PCDHA2: variants seen among roughly 807,000 people sequenced by gnomAD.
The protein encoded by PCDHA2 is protocadherin alpha 2, also known as protocadherin alpha-2.
In PCDHA2, 58 loss-of-function variants were observed where a neutral mutation model predicts 66.0. The ratio of observed to expected loss-of-function variants is 0.88; its 90% confidence interval spans 0.71 to 1.09. The LOEUF (loss-of-function observed/expected upper bound fraction) is 1.09, where lower values mean the gene tolerates loss of function less well. Ranked by LOEUF, PCDHA2 falls within the 50% of genes least tolerant of loss-of-function variation. The pLI, the probability that PCDHA2 is intolerant of heterozygous loss-of-function variation, is 0.00. For synonymous variants in PCDHA2, 634 were observed against 554.0 expected, an observed-to-expected ratio of 1.14 and a Z score of -2.03; for missense variants, 1,267 against 1,242.3, an observed-to-expected ratio of 1.02 and a Z score of -0.30.
At chr5:140,928,406 G>A (rs782285182) in intron 1 of PCDHA2, 1 of 1,614,050 alleles carries the variant, frequency 6.2e-7, no homozygotes, top group South Asian at 1.1e-5. Flanking sequence ...TCATCCAGTG[G>A]GGCCATCACT....
intron 1 of PCDHA2, among the ~76,000 whole-genome samples, chr5:140,934,702 C>T (rs538683438): frequency 1.3e-5 from 2 of 152,158 alleles, no homozygotes; most frequent in South Asian, 4.2e-4. Context: ...GATTCCTGGC[C>T]ATCTTACAAA....
At chr5:140,928,856 T>G (rs540865490) in intron 1 of PCDHA2, 1 of 1,614,218 alleles carries the variant, frequency 6.2e-7, no homozygotes, top group African/African-American at 1.3e-5. Context: ...CTGGGTGTGC[T>G]GTTGAGCAAC....
At chr5:140,927,795 G>A (rs781829757) in intron 1 of PCDHA2, 39 of 1,614,144 alleles carry the variant, frequency 2.4e-5, no homozygotes, top group Non-Finnish European at 3.2e-5. Context: ...CACTAGGTCC[G>A]CCTGAAACGC....
At chr5:140,879,141 G>T (rs1413837977) in intron 1 of PCDHA2, among the ~76,000 whole-genome samples, 1 of 152,192 alleles carries the variant, frequency 6.6e-6, no homozygotes, top group Non-Finnish European at 1.5e-5. Flanking sequence ...GATTGTGAAG[G>T]CAGGAAAGCT....
chr5:140,891,076 A>G (rs2062939819), intron 1 of PCDHA2, among the ~76,000 whole-genome samples: 1 of 152,160 alleles, frequency 6.6e-6, no homozygotes, highest in African/African-American at 2.4e-5. Flanking sequence ...TCCAGTGTCT[A>G]CTGGTTTCCA....
At chr5:140,975,475 A>G (rs546732390) in intron 1 of PCDHA2, among the ~76,000 whole-genome samples, 5 of 152,368 alleles carry the variant, frequency 3.3e-5, no homozygotes, top group African/African-American at 1.2e-4. Flanking sequence ...TCTGCCTATC[A>G]GTTTATATCA....
chr5:140,803,773 C>T, intron 1 of PCDHA2: 5 of 1,030,338 alleles, frequency 4.9e-6, no homozygotes, highest in Non-Finnish European at 5.5e-6. Context: ...TGAACCAAAT[C>T]AGCAGTAAGT....
intron 1 of PCDHA2, chr5:140,871,246 C>A: frequency 6.2e-7 from 1 of 1,613,982 alleles, no homozygotes; most frequent in Non-Finnish European, 8.5e-7. Flanking sequence ...ACTCACGCTG[C>A]TGCTGTATAC....
chr5:140,820,316 T>C (rs1554127824), intron 1 of PCDHA2, among the ~76,000 whole-genome samples: 1 of 152,012 alleles, frequency 6.6e-6, no homozygotes, highest in African/African-American at 2.4e-5. Flanking sequence ...ATATCTTGTT[T>C]CTTTACAAGT....
intron 3 of PCDHA2, among the ~76,000 whole-genome samples, chr5:141,008,665 T>A (rs2098385671): frequency 6.6e-6 from 1 of 152,210 alleles, no homozygotes; most frequent in Non-Finnish European, 1.5e-5. Context: ...CACAATACTT[T>A]ACATATACTT....
rs181372488 is a variant in PCDHA2, at chr5:140,858,049, G to A, written c.2388+60697G>A. 14,822 of 1,597,442 alleles carry A rather than the reference G, an allele frequency of 9.3e-3. 1,340 individuals carry two copies. Among genetic ancestry groups the A allele is most frequent in the Non-Finnish European group, 0.012 (13,697 of 1,167,420 alleles). On this transcript the variant is annotated intron_variant, in intron 1 of 3. Transcript: ENST00000526136. Reference sequence around the variant, plus strand: ...CGGCCACGGCCACTGTGCTTGTGTCGCTTGTGGAGGGCAGCCAGGCACCCA... The same window carrying A: ...CGGCCACGGCCACTGTGCTTGTGTCACTTGTGGAGGGCAGCCAGGCACCCA...
At chr5:140,942,668 A>G (rs1047486718) in intron 1 of PCDHA2, among the ~76,000 whole-genome samples, 7 of 152,336 alleles carry the variant, frequency 4.6e-5, no homozygotes, top group Admixed American at 2.0e-4. Flanking sequence ...CAATAAGCAC[A>G]AAAGTTTTAG....
chr5:140,822,315 T>TGTTAAAAC (rs1562263935), intron 1 of PCDHA2: 1 of 1,614,082 alleles, frequency 6.2e-7, no homozygotes, highest in Admixed American at 1.7e-5. Context: ...TTGACTTAGA[T>TGTTAAAAC]GTTAAAACAA....
chr5:140,803,623 G>A (rs1763251132), intron 1 of PCDHA2: 3 of 1,613,908 alleles, frequency 1.9e-6, no homozygotes, highest in South Asian at 1.1e-5. Context: ...TTTCCAAAAT[G>A]TCTTTGTTTT....
intron 1 of PCDHA2, chr5:140,830,429 C>T (rs2150186384): frequency 6.2e-7 from 1 of 1,613,784 alleles, no homozygotes; most frequent in African/African-American, 1.3e-5. Flanking sequence ...TTCACCTTGT[C>T]CTATTATGAT....
At chr5:140,838,126 GTGTGTT>G (rs1562369435) in intron 1 of PCDHA2, among the ~76,000 whole-genome samples, 1 of 138,748 alleles carries the variant, frequency 7.2e-6, no homozygotes, top group Admixed American at 7.2e-5. Context: ...GTGTGTGTGT[GTGTGTT>G]TGACAGAGTT....
intron 1 of PCDHA2, chr5:140,867,487 T>C (rs1020782942): frequency 1.3e-5 from 2 of 152,026 alleles, no homozygotes; most frequent in African/African-American, 4.8e-5. Context: ...AGAGTAAATA[T>C]GAAAAAAGTA....
chr5:140,883,393 C>G, intron 1 of PCDHA2: 1 of 1,614,160 alleles, frequency 6.2e-7, no homozygotes, highest in South Asian at 1.1e-5. Context: ...TCAGTGTGTC[C>G]GATCGTGACT....
intron 1 of PCDHA2, chr5:140,848,328 G>C (rs1554142059): frequency 1.2e-6 from 1 of 817,064 alleles, no homozygotes; most frequent in African/African-American, 1.7e-5. Context: ...TGTTCTCTCT[G>C]AATCCAGACA....
Sources: allele counts gnomAD v4.1 joint callset (sites outside exome capture counted in the v4.1 genomes callset), GRCh38; gene constraint gnomAD v4.1.1; transcripts MANE v1.5; gene names NCBI Gene and HGNC (gene_info 2026-07-23, HGNC 2026-07-21).